The following FGD6 variants were observed in gnomAD, a reference collection of about 807,000 sequenced individuals.
FGD6 encodes FYVE, RhoGEF and PH domain containing 6.
Under a neutral mutation model 149.4 loss-of-function variants are expected in FGD6, and 90 were observed. That is an observed-to-expected ratio of 0.60 (90% CI 0.51 to 0.72). The LOEUF (loss-of-function observed/expected upper bound fraction) is 0.72. Ranked by LOEUF, FGD6 falls within the 30% of genes least tolerant of loss-of-function variation. The pLI is 0.00. For synonymous variants in FGD6, 527 were observed against 584.0 expected, an observed-to-expected ratio of 0.90 and a Z score of 1.41; for missense variants, 1,437 against 1,684.8, an observed-to-expected ratio of 0.85 and a Z score of 2.57.
chr12:95,095,695 T>A (rs924970259), intron 14 of FGD6, among the ~76,000 whole-genome samples: 1 of 152,022 alleles, frequency 6.6e-6, no homozygotes, highest in African/African-American at 2.4e-5. Context: ...TGTAGTTTAA[T>A]TTACAGAGGC....
At chr12:95,129,707 C>T (rs542640607) in intron 8 of FGD6, among the ~76,000 whole-genome samples, 2 of 152,312 alleles carry the variant, frequency 1.3e-5, no homozygotes, top group East Asian at 3.9e-4. Context: ...GAGTCTTGCT[C>T]TGTCACCCAG....
intron 3 of FGD6, 128 bp downstream of exon 3, chr12:95,172,472 A>C: frequency 4.9e-6 from 4 of 823,000 alleles, no homozygotes; most frequent in Middle Eastern, 4.0e-4. Flanking sequence ...GCAGGAATTA[A>C]ATTTAAATTT....
chr12:95,108,389 A>G lies in FGD6; in HGVS notation c.3223T>C (p.Tyr1075His), dbSNP rs1436430842. The G allele has an allele frequency of 6.2e-7, 1 of 1,614,186 alleles. No individual in the cohort carries two copies. The highest frequency in any genetic ancestry group is 8.5e-7 in the Non-Finnish European group (1 of 1,180,020). ...ATTTCATGGTGTCCATTTAAGCTGTACTGAATTTGCATAAGTTTCTGAAAG... is the reference window on the plus strand; with the variant it reads ...ATTTCATGGTGTCCATTTAAGCTGTGCTGAATTTGCATAAGTTTCTGAAAG... ...DNFQKLMQIQ[Y>H]SLNGHHEIVQ... is the part of the protein sequence containing the mutation. Residue 1075 changes from tyrosine (Y) to histidine (H), a missense_variant, in exon 11 of 21, where the codon TAC becomes CAC. By Grantham distance (83) the Tyr-to-His change is moderately conservative. Around this residue, in one of 2 missense-constraint regions of FGD6, gnomAD observed 382 missense variants for 538.7 expected, o/e 0.71. Coordinates refer to ENST00000343958, the MANE Select transcript of FGD6 (RefSeq NM_018351.4).
At chr12:95,147,263 G>A (rs1880044741) in intron 5 of FGD6, among the ~76,000 whole-genome samples, 1 of 152,082 alleles carries the variant, frequency 6.6e-6, no homozygotes, top group Admixed American at 6.6e-5. Context: ...TTAACCATTT[G>A]ACTTTGTTTT....
At position 95,105,101 on chromosome 12, in the gene FGD6, A is replaced by G; in HGVS notation, c.3418-15T>C. 1 of 1,595,894 alleles carries G rather than the reference A, an allele frequency of 6.3e-7. No individual in the cohort carries two copies. On this transcript the variant is annotated splice_polypyrimidine_tract_variant and intron_variant, in intron 13 of 20. Coordinates refer to ENST00000343958, the MANE Select transcript of FGD6 (RefSeq NM_018351.4). ...GGTTTTCTGACCTGGAAGAAAGCAC[A>G]ACAATTTGAGCCGACTCATCCTACT...
intron 6 of FGD6, among the ~76,000 whole-genome samples, chr12:95,139,454 G>A (rs1879777691): frequency 6.6e-6 from 1 of 150,534 alleles, no homozygotes; most frequent in African/African-American, 2.4e-5. Context: ...AAAAAAAATC[G>A]GAAGCAAATA....
intron 2 of FGD6, among the ~76,000 whole-genome samples, chr12:95,193,960 G>GTC (rs1881668469): frequency 6.6e-6 from 1 of 151,780 alleles, no homozygotes; most frequent in South Asian, 2.1e-4. Context: ...TGGAGACAGG[G>GTC]TCTCACTCTG....
At chr12:95,128,398 A>G (rs989007383) in intron 8 of FGD6, among the ~76,000 whole-genome samples, 5 of 152,132 alleles carry the variant, frequency 3.3e-5, no homozygotes, top group Non-Finnish European at 1.5e-5. Flanking sequence ...CACCACACCC[A>G]GCTAATTTTT....
intron 9 of FGD6, among the ~76,000 whole-genome samples, chr12:95,109,185 C>T (rs1246646497): frequency 1.5e-5 from 2 of 136,712 alleles, no homozygotes; most frequent in South Asian, 2.4e-4. Context: ...TTTATTAACC[C>T]TTTGCCTTTA....
intron 15 of FGD6, 122 bp from the exon 16 acceptor site, chr12:95,092,967 T>A: frequency 5.2e-6 from 6 of 1,156,392 alleles, no homozygotes; most frequent in Non-Finnish European, 6.1e-6. Context: ...ACGCCTGTAA[T>A]CCCAGCATTT....
At chr12:95,168,404 C>T (rs1411933712) in intron 3 of FGD6, among the ~76,000 whole-genome samples, 1 of 152,196 alleles carries the variant, frequency 6.6e-6, no homozygotes, top group Non-Finnish European at 1.5e-5. Flanking sequence ...TGGATCACGC[C>T]TGTAATCCCG....
At chr12:95,176,931 G>A (rs1881150492) in intron 2 of FGD6, among the ~76,000 whole-genome samples, 1 of 152,090 alleles carries the variant, frequency 6.6e-6, no homozygotes, top group African/African-American at 2.4e-5. Context: ...TAGTTCAAGC[G>A]ATTCTCCCAT....
intron 3 of FGD6, among the ~76,000 whole-genome samples, 199 bp from the exon 4 acceptor site, chr12:95,153,192 C>A (rs1013239494): frequency 6.6e-6 from 1 of 152,192 alleles, no homozygotes; most frequent in Non-Finnish European, 1.5e-5. Flanking sequence ...TGAGAGCAAT[C>A]AGTAATCTTC....
At position 95,188,291 on chromosome 12, in the gene FGD6, A is replaced by G. The variant is rs528048863; in HGVS notation, c.2442-15547T>C. On this transcript the variant is annotated intron_variant, in intron 2 of 20. Coordinates refer to ENST00000343958, the MANE Select transcript of FGD6 (RefSeq NM_018351.4). ...CTGAAGGCACAGAAAAAAAATGGGG[A>G]GAAGAGGGAAGCAGAAGAAATGAAG... is the stretch of plus-strand genomic sequence containing the variant. 2.0e-5 allele frequency among the ~76,000 whole-genome samples: 3 copies of G among 152,284 alleles called. No homozygotes were observed. The South Asian group carries it at 6.2e-4, about 32-fold the overall frequency.
chr12:95,211,136 G>T lies in FGD6; in HGVS notation c.148C>A (p.Pro50Thr). 1 of 1,614,158 alleles carries T rather than the reference G, an allele frequency of 6.2e-7. No individual in the cohort carries two copies. The highest frequency in any genetic ancestry group is 8.5e-7 in the Non-Finnish European group (1 of 1,180,028). Residue 50 changes from proline (P) to threonine (T), a missense_variant, in exon 2 of 21, where the codon CCA (proline) becomes ACA (threonine). Physicochemically the swap from Pro to Thr is conservative, Grantham distance 38. Coordinates refer to ENST00000343958, the MANE Select transcript of FGD6 (RefSeq NM_018351.4). ...ACTTTTGGTTTTGGGGCTATTGCTG[G>T]TTTCATTTTCTTTGTCGACTGTGGA... ...SVPQSTKKMK[P>T]AIAPKPKVLK...
chr12:95,102,140 C>G (rs1878461245), intron 14 of FGD6, among the ~76,000 whole-genome samples: 1 of 151,842 alleles, frequency 6.6e-6, no homozygotes, highest in Non-Finnish European at 1.5e-5. Flanking sequence ...AAGGTCATCT[C>G]TATCTTAAAA....
At chr12:95,178,198 C>G (rs1881186531) in intron 2 of FGD6, among the ~76,000 whole-genome samples, 2 of 152,174 alleles carry the variant, frequency 1.3e-5, no homozygotes, top group African/African-American at 4.8e-5. Flanking sequence ...GGAAACATGG[C>G]ACGACTTGTG....
intron 9 of FGD6, among the ~76,000 whole-genome samples, chr12:95,110,527 T>G (rs1878784918): frequency 6.6e-6 from 1 of 151,930 alleles, no homozygotes; most frequent in African/African-American, 2.4e-5. Flanking sequence ...AGCTAATTTT[T>G]GTATTTTTAG....
At chr12:95,160,305 T>G (rs1410566665) in intron 3 of FGD6, among the ~76,000 whole-genome samples, 1 of 152,028 alleles carries the variant, frequency 6.6e-6, no homozygotes, top group Non-Finnish European at 1.5e-5. Context: ...TAGGGAAATG[T>G]AAATTAAAAC....
Sources: gnomAD v4.1 joint callset for allele counts (sites outside exome capture counted in the v4.1 genomes callset) on GRCh38, gnomAD v4.1.1 for gene constraint, gnomAD v4.1.1 regional missense constraint, MANE v1.5 for transcripts, NCBI Gene and HGNC (gene_info 2026-07-23, HGNC 2026-07-21) for gene names.